NTMT1: variants seen among roughly 807,000 people sequenced by gnomAD.
The protein encoded by NTMT1 is N-terminal RCC1 methyltransferase.
NTMT1 carries 8 observed loss-of-function variants against 17.5 expected under a neutral mutation model. The observed-to-expected ratio is 0.46, with a 90% CI of 0.27 to 0.82. NTMT1 has a LOEUF of 0.82. NTMT1 is among the 40% of genes least tolerant of loss of function. NTMT1 has a pLI of 0.15. For missense variants in NTMT1, 221 were observed against 303.5 expected (o/e 0.73, Z 2.02); for synonymous variants, 128 against 126.8 (o/e 1.01, Z -0.06).
Position 129,635,397 on chromosome 9 carries a change from T to G in NTMT1, c.605T>G (p.Leu202Arg). Residue 202 changes from leucine to arginine, a missense_variant, in exon 4 of 4, where the codon CTG (leucine) becomes CGG (arginine). Transcript: ENST00000372483. ...ATCTGCAGTGCAGGCCTCAGCCTCC[T>G]GGCCGAGGAGAGGCAGGAGAACCTC... ...RIICSAGLSL[L>R]AEERQENLPD... The G allele has an allele frequency of 6.2e-7, 1 of 1,613,576 alleles. No homozygotes were observed. Among genetic ancestry groups the G allele is most frequent in the African/African-American group, 1.3e-5 (1 of 75,058 alleles).
At position 129,620,056 on chromosome 9, in the gene NTMT1, C is replaced by G. The variant is rs1273240836; in HGVS notation, c.-55+10878C>G. The G allele has an allele frequency of 2.1e-6, 3 of 1,453,956 alleles. No individual in the cohort carries two copies. The highest frequency in any genetic ancestry group is 2.5e-5 in the East Asian group (1 of 40,042). The allele number at this position is 1,453,956 out of a possible 1,614,324, so 90.1% of individuals were successfully genotyped here. On this transcript the variant is annotated intron_variant, in intron 1 of 3. Coordinates refer to the NTMT1 transcript ENST00000372486. The surrounding 1 kb of genome is among the most constrained non-coding windows in gnomAD (Gnocchi z 5.8). Reference sequence around the variant, plus strand: ...ACTCGGGCCCGCCCCCCGGGCCCCGCGGGGCCTCACTCAGTGGCTCCGGCT... The same window carrying G: ...ACTCGGGCCCGCCCCCCGGGCCCCGGGGGGCCTCACTCAGTGGCTCCGGCT...
chr9:129,630,185 A>G (rs1276527074), intron 1 of NTMT1, among the ~76,000 whole-genome samples: 1 of 151,598 alleles, frequency 6.6e-6, no homozygotes, highest in African/African-American at 2.4e-5. Context: ...ACCAATGAAA[A>G]ATCTTGGCTG....
intron 1 of NTMT1, among the ~76,000 whole-genome samples, chr9:129,629,948 C>G (rs1341977337): frequency 6.6e-6 from 1 of 152,018 alleles, no homozygotes; most frequent in Non-Finnish European, 1.5e-5. Context: ...AAACAAGAAT[C>G]TGAAGAGAAG....
rs1831343375 is a variant in NTMT1, at chr9:129,633,907, G to A, written c.163-147G>A. On this transcript the variant is annotated intron_variant, in intron 2 of 3. Transcript: ENST00000372483. ...TCATCCCCTCGACTCCGTACAAGCTGGCAGCCAGCACAGACCTCCCCACCA... is the reference window on the plus strand; with the variant it reads ...TCATCCCCTCGACTCCGTACAAGCTAGCAGCCAGCACAGACCTCCCCACCA... 4 of 825,352 alleles carry A rather than the reference G, an allele frequency of 4.8e-6. No individual in the cohort carries two copies. The East Asian group carries it at 8.1e-5, about 17-fold the overall frequency. 51.1% of individuals were successfully genotyped at this position (825,352 alleles called of 1,614,324 possible).
Position 129,614,534 on chromosome 9 carries a change from G to T in NTMT1, c.-55+5356G>T, listed in dbSNP as rs1331180910. Among the ~76,000 whole-genome samples, 1 of 152,200 alleles carries T rather than the reference G, an allele frequency of 6.6e-6. No individual in the cohort carries two copies. The highest frequency in any genetic ancestry group is 1.5e-5 in the Non-Finnish European group (1 of 68,040). On this transcript the variant is annotated intron_variant, in intron 1 of 3. Coordinates refer to the NTMT1 transcript ENST00000372486. The surrounding 1 kb of genome is among the most constrained non-coding windows in gnomAD (Gnocchi z 4.4). ...AGAAGAGGCTGGGCACACAGAAAAA[G>T]GTGGAGCTTAGTCAAGGTTATACCA... is the stretch of plus-strand genomic sequence containing the variant.
chr9:129,619,504 C>G, intron 1 of NTMT1: 2 of 1,583,702 alleles, frequency 1.3e-6, no homozygotes, highest in Non-Finnish European at 1.7e-6. Flanking sequence ...CTACCCTTAT[C>G]CCGCCCATCA....
rs1275723151 is a variant in NTMT1, at chr9:129,634,167, A to C, written c.276A>C (p.Ile92=). The change falls in exon 3 of 4, where the codon ATA becomes ATC. Residue 92 remains isoleucine, a synonymous_variant. Coordinates refer to ENST00000372483, the MANE Select transcript of NTMT1 (RefSeq NM_014064.4). ...TCAGAGAGGTGGATATGGTCGACAT[A>C]ACGGAGGACTTCCTGGTTCAAGCCA... ...PLFREVDMVD[I]TEDFLVQAKT... is the part of the protein sequence containing the mutation. 6.2e-7 allele frequency: 1 copy of C among 1,614,184 alleles called. No individual in the cohort carries two copies. The highest frequency in any genetic ancestry group is 1.1e-5 in the South Asian group (1 of 91,086).
intron 1 of NTMT1, among the ~76,000 whole-genome samples, chr9:129,632,337 C>T (rs151217792): frequency 9.9e-5 from 15 of 152,198 alleles, no homozygotes; most frequent in African/African-American, 2.2e-4. Flanking sequence ...CTAGCTGCTC[C>T]GGAGGGTGAG....
At chr9:129,629,326 G>C (rs1422980864) in intron 1 of NTMT1, among the ~76,000 whole-genome samples, 1 of 152,076 alleles carries the variant, frequency 6.6e-6, no homozygotes, top group Non-Finnish European at 1.5e-5. Context: ...CCTTTTTCCT[G>C]TCAGCTACCC....
chr9:129,615,051 G>C (rs1182653537), intron 1 of NTMT1, among the ~76,000 whole-genome samples: 2 of 152,206 alleles, frequency 1.3e-5, no homozygotes, highest in Non-Finnish European at 1.5e-5. Flanking sequence ...GGCTTTTCTG[G>C]GCACCTCCTC....
chr9:129,619,407 G>A, intron 1 of NTMT1: 2 of 772,260 alleles, frequency 2.6e-6, no homozygotes, highest in Admixed American at 2.3e-5. Flanking sequence ...AAGGATGGAT[G>A]AATGGGTAGA....
rs547222193 is a variant in NTMT1 at position 129,620,432 on chromosome 9, C to G, written c.-55+11254C>G. ...CCCCGGGATCCTCCAGTCCCCGGAG[C>G]CCCGCGCGCCCAGAGCCGCTCGGAG... On this transcript the variant is annotated intron_variant, in intron 1 of 3. Transcript: ENST00000372486. This position sits in a 1 kb window ranked among gnomAD's most constrained non-coding sequence, Gnocchi z 5.8. 1,801 of 1,265,928 alleles carry G rather than the reference C, an allele frequency of 1.4e-3. 28 individuals carry two copies. In the African/African-American group the frequency reaches 0.025, roughly 18 times the overall value. The allele number at this position is 1,265,928 out of a possible 1,614,324, so 78.4% of individuals were successfully genotyped here.
Position 129,612,994 on chromosome 9 carries a change from A to G in NTMT1, c.-55+3816A>G. 13 of 1,376,672 alleles carry G rather than the reference A, an allele frequency of 9.4e-6. No homozygotes were observed. In the South Asian group the frequency reaches 1.3e-4, roughly 13 times the overall value. The allele number at this position is 1,376,672 out of a possible 1,614,324, so 85.3% of individuals were successfully genotyped here. ...AAGCCCCCACGGTGACTTGGCTCTC[A>G]GGGAGGGTCCACTCCCAGCCCCAGC... On this transcript the variant is annotated intron_variant, in intron 1 of 3. Coordinates refer to the NTMT1 transcript ENST00000372486.
intron 2 of NTMT1, 122 bp downstream of exon 2, chr9:129,632,987 T>G: frequency 9.6e-5 from 106 of 1,099,488 alleles, no homozygotes; most frequent in Non-Finnish European, 1.3e-4. Context: ...TCTTGGTACC[T>G]ACCCCAAAGC....
At position 129,613,634 on chromosome 9, in the gene NTMT1, G is replaced by A; in HGVS notation, c.-55+4456G>A. 1 of 1,612,432 alleles carries A rather than the reference G, an allele frequency of 6.2e-7. No individual in the cohort carries two copies. The highest frequency in any genetic ancestry group is 8.5e-7 in the Non-Finnish European group (1 of 1,179,132). On this transcript the variant is annotated intron_variant, in intron 1 of 3. Transcript: ENST00000372486. This position sits in a 1 kb window ranked among gnomAD's most constrained non-coding sequence, Gnocchi z 6.2. ...AGGGCAGGGTGAGATCTCTGCCCAG[G>A]AGGAGGGCACTGGTGCCCCCACCCT...
intron 3 of NTMT1, 184 bp from the exon 4 acceptor site, chr9:129,635,024 A>G: frequency 1.4e-6 from 1 of 689,922 alleles, no homozygotes; most frequent in Non-Finnish European, 2.4e-6. Context: ...CCTCTGAGCC[A>G]CAGTTTCCTA....
intron 1 of NTMT1, among the ~76,000 whole-genome samples, chr9:129,630,411 C>T (rs1378832797): frequency 2.0e-5 from 3 of 152,066 alleles, no homozygotes; most frequent in Admixed American, 6.6e-5. Flanking sequence ...TCAAGTCTGG[C>T]GACAGTGAGA....
intron 1 of NTMT1, among the ~76,000 whole-genome samples, chr9:129,630,179 A>G (rs761123738): frequency 3.3e-5 from 5 of 152,102 alleles, no homozygotes; most frequent in South Asian, 2.1e-4. Context: ...AATTTGACCA[A>G]TGAAAAATCT....
intron 1 of NTMT1, among the ~76,000 whole-genome samples, chr9:129,631,939 G>A (rs374107818): frequency 2.6e-5 from 4 of 152,124 alleles, no homozygotes; most frequent in East Asian, 3.9e-4. Flanking sequence ...TTCACAGCCC[G>A]GTGCCTGGCA....
Sources: allele counts gnomAD v4.1 joint callset (sites outside exome capture counted in the v4.1 genomes callset), GRCh38; gene constraint gnomAD v4.1.1; non-coding constraint Gnocchi (gnomAD v3.1); transcripts MANE v1.5; gene names NCBI Gene and HGNC (gene_info 2026-07-23, HGNC 2026-07-21).